Variants in SUFU observed in about 807,000 individuals in gnomAD.
The protein encoded by SUFU is suppressor of fused homolog.
SUFU carries 7 observed loss-of-function variants against 58.9 expected under a neutral mutation model. The observed-to-expected ratio is 0.12, with a 90% confidence interval of 0.07 to 0.22. The LOEUF (loss-of-function observed/expected upper bound fraction) is 0.22, where lower values mean the gene tolerates loss of function less well. Ranked by LOEUF, SUFU falls within the 10% of genes least tolerant of loss-of-function variation. The pLI is 1.00. For synonymous variants in SUFU, 232 were observed against 254.8 expected (o/e 0.91, Z 0.85); for missense variants, 451 against 641.3 (o/e 0.70, Z 3.20).
At chr10:102,613,098 G>A (rs970113985) in intron 8 of SUFU, among the ~76,000 whole-genome samples, 11 of 152,236 alleles carry the variant, frequency 7.2e-5, no homozygotes, top group African/African-American at 2.4e-4. Flanking sequence ...AGAGTTGGTC[G>A]GAAGTCTGAG....
chr10:102,534,255 C>T (rs1163703738), intron 2 of SUFU, among the ~76,000 whole-genome samples: 7 of 152,038 alleles, frequency 4.6e-5, no homozygotes, highest in African/African-American at 1.2e-4. Flanking sequence ...AGTGAAACCC[C>T]GTCTCTACTA....
chr10:102,613,148 G>A (rs531852538), intron 8 of SUFU, among the ~76,000 whole-genome samples: 16 of 152,314 alleles, frequency 1.1e-4, no homozygotes, highest in African/African-American at 2.2e-4. Context: ...GGGGGGACGC[G>A]TCACCCACTC....
chr10:102,576,545 T>G (rs2063213971), intron 3 of SUFU, among the ~76,000 whole-genome samples: 1 of 152,236 alleles, frequency 6.6e-6, no homozygotes, highest in African/African-American at 2.4e-5. Flanking sequence ...AAAGATGCAG[T>G]GACCATCCTT....
intron 6 of SUFU, among the ~76,000 whole-genome samples, chr10:102,594,869 C>T (rs1390657952): frequency 6.7e-6 from 1 of 149,768 alleles, no homozygotes. Flanking sequence ...CAGGCGCCCA[C>T]CACCACGCCC....
intron 2 of SUFU, among the ~76,000 whole-genome samples, chr10:102,536,473 C>T (rs992679392): frequency 6.6e-6 from 1 of 150,966 alleles, no homozygotes; most frequent in East Asian, 2.0e-4. Context: ...AAGCAATTCT[C>T]CTGCCTCAGC....
intron 7 of SUFU, 98 bp from the exon 8 acceptor site, chr10:102,599,335 G>T: frequency 2.1e-6 from 2 of 940,876 alleles, no homozygotes; most frequent in South Asian, 1.3e-5. Context: ...CAGCGTGGTA[G>T]TTTTTCTTAG....
chr10:102,565,691 C>T (rs370731027), intron 3 of SUFU, among the ~76,000 whole-genome samples: 2 of 152,132 alleles, frequency 1.3e-5, no homozygotes, highest in East Asian at 3.9e-4. Context: ...ACTACAGGTG[C>T]CCGCCACCAC....
intron 3 of SUFU, among the ~76,000 whole-genome samples, chr10:102,588,693 C>G (rs182377413): frequency 6.6e-6 from 1 of 152,104 alleles, no homozygotes; most frequent in Non-Finnish European, 1.5e-5. Flanking sequence ...GCACTGAACC[C>G]GTAGATGGAT....
chr10:102,606,651 A>C (rs1325056364), intron 8 of SUFU, among the ~76,000 whole-genome samples: 1 of 152,218 alleles, frequency 6.6e-6, no homozygotes, highest in Non-Finnish European at 1.5e-5. Flanking sequence ...ACATAACTGG[A>C]AACAGGGTCT....
At chr10:102,545,845 A>G (rs2062849545) in intron 2 of SUFU, among the ~76,000 whole-genome samples, 1 of 152,154 alleles carries the variant, frequency 6.6e-6, no homozygotes, top group Non-Finnish European at 1.5e-5. Flanking sequence ...GTGGTGGCAC[A>G]CACCTGTAAT....
Position 102,592,634 on chromosome 10 carries a change from C to G in SUFU, c.507C>G (p.Asn169Lys). The change falls in exon 4 of 12, where the codon AAC becomes AAG. Residue 169 changes from asparagine (N) to lysine (K), a missense_variant. Physicochemically the swap from Asn to Lys is moderately conservative, Grantham distance 94. Transcript: ENST00000369902. ...TGTCCTGGCACAGCCCTTTGGATAACAGTGAGTCAAGAATTCAGCACATGC... is the reference window on the plus strand; with the variant it reads ...TGTCCTGGCACAGCCCTTTGGATAAGAGTGAGTCAAGAATTCAGCACATGC... The part of the protein sequence containing the change: ...DHVSWHSPLD[N>K]SESRIQHMLL... 1 of 1,614,196 alleles carries G rather than the reference C, an allele frequency of 6.2e-7. No individual in the cohort carries two copies.
At chr10:102,528,682 TGACTG>T (rs1307413331) in intron 2 of SUFU, among the ~76,000 whole-genome samples, 1 of 152,228 alleles carries the variant, frequency 6.6e-6, no homozygotes, top group Non-Finnish European at 1.5e-5. Flanking sequence ...AGAGTTTATT[TGACTG>T]GATTCTCAGC....
intron 8 of SUFU, among the ~76,000 whole-genome samples, chr10:102,611,334 G>A (rs145249928): frequency 7.9e-5 from 12 of 152,334 alleles, no homozygotes; most frequent in African/African-American, 2.6e-4. Context: ...CTTGTGCTCT[G>A]TAGAAGGAAG....
intron 2 of SUFU, among the ~76,000 whole-genome samples, chr10:102,532,118 A>G (rs2062683891): frequency 6.6e-6 from 1 of 152,060 alleles, no homozygotes; most frequent in African/African-American, 2.4e-5. Flanking sequence ...GCATGCTACT[A>G]TGCTCAGCTA....
At chr10:102,514,445 C>A (rs953850105) in intron 2 of SUFU, among the ~76,000 whole-genome samples, 1 of 152,194 alleles carries the variant, frequency 6.6e-6, no homozygotes, top group African/African-American at 2.4e-5. Flanking sequence ...CTAAAGGAAA[C>A]CAGGCAAGAG....
chr10:102,525,732 G>C (rs2062601948), intron 2 of SUFU, among the ~76,000 whole-genome samples: 1 of 152,112 alleles, frequency 6.6e-6, no homozygotes, highest in Admixed American at 6.6e-5. Flanking sequence ...TTGAACTCCT[G>C]ACCTCAGGTG....
chr10:102,602,399 C>T (rs986271015), intron 8 of SUFU, among the ~76,000 whole-genome samples: 2 of 152,154 alleles, frequency 1.3e-5, no homozygotes, highest in African/African-American at 4.8e-5. Context: ...TAACTAGTTG[C>T]AGCATGAATC....
intron 8 of SUFU, among the ~76,000 whole-genome samples, chr10:102,613,964 C>T (rs543746293): frequency 6.6e-6 from 1 of 152,324 alleles, no homozygotes; most frequent in African/African-American, 2.4e-5. Context: ...GGCGGGGGCC[C>T]GGTTCTGCTT....
At chr10:102,588,044 C>T (rs574817760) in intron 3 of SUFU, among the ~76,000 whole-genome samples, 1 of 152,282 alleles carries the variant, frequency 6.6e-6, no homozygotes, top group South Asian at 2.1e-4. Flanking sequence ...GTTCTTTTAG[C>T]AGCATTTGCT....
Sources: allele counts gnomAD v4.1 joint callset (sites outside exome capture counted in the v4.1 genomes callset), GRCh38; gene constraint gnomAD v4.1.1; transcripts MANE v1.5; gene names NCBI Gene and HGNC (gene_info 2026-07-23, HGNC 2026-07-21).